Variants in DCLK1 observed in about 807,000 individuals in gnomAD.
The protein encoded by DCLK1 is doublecortin like kinase 1.
In DCLK1, 16 loss-of-function variants were observed where a neutral mutation model predicts 86.2. The observed-to-expected ratio is 0.19, with a 90% CI of 0.13 to 0.28. DCLK1 has a LOEUF of 0.28. DCLK1 is among the 10% of genes least tolerant of loss of function. The pLI is 1.00. For missense variants in DCLK1, 590 were observed against 940.2 expected, an observed-to-expected ratio of 0.63 and a Z score of 4.87; for synonymous variants, 369 against 370.5, an observed-to-expected ratio of 1.00 and a Z score of 0.05.
intron 14 of DCLK1, 96 bp from the exon 15 acceptor site, chr13:35,805,875 T>C: frequency 1.8e-6 from 2 of 1,109,620 alleles, no homozygotes; most frequent in Non-Finnish European, 2.6e-6. Flanking sequence ...TCGAAAAGCA[T>C]TTGTAAAAGC....
intron 16 of DCLK1, among the ~76,000 whole-genome samples, chr13:35,776,384 C>T (rs1024340887): frequency 6.6e-6 from 1 of 152,122 alleles, no homozygotes; most frequent in Non-Finnish European, 1.5e-5. Context: ...ATATAAACAC[C>T]TCTTGGCCAT....
intron 4 of DCLK1, among the ~76,000 whole-genome samples, chr13:35,899,187 T>C (rs1158925486): frequency 2.6e-5 from 4 of 152,204 alleles, no homozygotes; most frequent in Non-Finnish European, 5.9e-5. Flanking sequence ...CAATTCCATA[T>C]TATCAAAATG....
intron 3 of DCLK1, among the ~76,000 whole-genome samples, chr13:36,053,816 G>A (rs909201250): frequency 1.1e-4 from 16 of 151,950 alleles, no homozygotes; most frequent in African/African-American, 3.9e-4. Flanking sequence ...AGATATCTAG[G>A]GGAAGAGATA....
At chr13:35,831,142 C>A (rs916492841) in intron 8 of DCLK1, among the ~76,000 whole-genome samples, 11 of 152,140 alleles carry the variant, frequency 7.2e-5, no homozygotes, top group African/African-American at 2.7e-4. Flanking sequence ...CACTATACAA[C>A]CTTTCGTAAT....
intron 15 of DCLK1, among the ~76,000 whole-genome samples, chr13:35,797,106 G>T (rs1415254746): frequency 1.3e-5 from 2 of 152,196 alleles, no homozygotes; most frequent in Non-Finnish European, 2.9e-5. Flanking sequence ...AGGCCTGGCT[G>T]ACACTGGGCA....
chr13:35,924,518 G>A (rs1875992920), intron 4 of DCLK1, among the ~76,000 whole-genome samples: 1 of 152,184 alleles, frequency 6.6e-6, no homozygotes. Context: ...TGGGCATGGT[G>A]GCACACACCT....
Position 35,919,595 on chromosome 13 carries a change from C to T in DCLK1, c.823+27763G>A, listed in dbSNP as rs1323380665. Among the ~76,000 whole-genome samples, 2 of 152,064 alleles carry T rather than the reference C, an allele frequency of 1.3e-5. 1 individual carries two copies. The highest frequency in any genetic ancestry group is 4.2e-4 in the South Asian group (2 of 4,814). ...TTGACCATAGCCCTCTCCCAGACTC[C>T]TCTCTTTTTCCAGAAGACACTACAG... On this transcript the variant is annotated intron_variant, in intron 4 of 16. Coordinates refer to ENST00000360631, the MANE Select transcript of DCLK1 (RefSeq NM_001330071.2).
chr13:35,870,621 C>T (rs1410393873), intron 5 of DCLK1, among the ~76,000 whole-genome samples: 1 of 152,210 alleles, frequency 6.6e-6, no homozygotes, highest in African/African-American at 2.4e-5. Context: ...AAAGAAGACA[C>T]TTTCTAACTG....
chr13:36,059,241 T>C (rs1312801196), intron 3 of DCLK1, among the ~76,000 whole-genome samples: 1 of 152,208 alleles, frequency 6.6e-6, no homozygotes, highest in African/African-American at 2.4e-5. Context: ...AAGTATTTTC[T>C]TTAAGTCAGA....
intron 5 of DCLK1, among the ~76,000 whole-genome samples, chr13:35,855,316 T>C (rs1458729441): frequency 1.3e-5 from 2 of 152,216 alleles, no homozygotes; most frequent in East Asian, 3.8e-4. Flanking sequence ...CTAAGTAACA[T>C]CATCTCTAAC....
intron 6 of DCLK1, 75 bp downstream of exon 6, chr13:35,854,424 G>A (rs142668284): frequency 1.1e-5 from 13 of 1,220,760 alleles, no homozygotes; most frequent in African/African-American, 9.2e-5. Context: ...CGAGCAGCAC[G>A]ATTTGCTGGC....
chr13:35,841,520 G>GAA (rs201900666), intron 6 of DCLK1, among the ~76,000 whole-genome samples: 1 of 141,992 alleles, frequency 7.0e-6, no homozygotes, highest in African/African-American at 2.6e-5. Flanking sequence ...GGCTCTGGTG[G>GAA]AAAAAAAAAA....
rs1335639892 is a variant in DCLK1 at position 35,994,594 on chromosome 13, T to C, written c.724-47137A>G. Among the ~76,000 whole-genome samples, 3 of 152,210 alleles carry C rather than the reference T, an allele frequency of 2.0e-5. No individual in the cohort carries two copies. In the East Asian group the frequency reaches 5.8e-4, roughly 29 times the overall value. On this transcript the variant is annotated intron_variant, in intron 3 of 16. Coordinates refer to ENST00000360631, the MANE Select transcript of DCLK1 (RefSeq NM_001330071.2). ...AGCCAACTGGTGAGGTTGTCTGTTCTTTTTAGAAAAGATATTTCATGTTCC... is the reference window on the plus strand; with the variant it reads ...AGCCAACTGGTGAGGTTGTCTGTTCCTTTTAGAAAAGATATTTCATGTTCC...
intron 3 of DCLK1, among the ~76,000 whole-genome samples, chr13:35,996,397 A>G (rs1465025747): frequency 6.6e-6 from 1 of 152,170 alleles, no homozygotes; most frequent in East Asian, 1.9e-4. Context: ...TGGCTGGGCC[A>G]CGGGGCCCAG....
At chr13:35,850,388 C>G (rs577439493) in intron 6 of DCLK1, 1 of 1,021,380 alleles carries the variant, frequency 9.8e-7, no homozygotes, top group Non-Finnish European at 1.2e-6. Flanking sequence ...AATTCTGGCT[C>G]TATATTGCCA....
chr13:35,982,590 A>C (rs965712492), intron 3 of DCLK1, among the ~76,000 whole-genome samples: 1 of 152,180 alleles, frequency 6.6e-6, no homozygotes, highest in African/African-American at 2.4e-5. Flanking sequence ...GTGAACATTA[A>C]CAAAGCAAAA....
At chr13:35,925,608 G>A (rs1183613517) in intron 4 of DCLK1, among the ~76,000 whole-genome samples, 1 of 152,166 alleles carries the variant, frequency 6.6e-6, no homozygotes, top group Non-Finnish European at 1.5e-5. Context: ...CCATTTTAAT[G>A]TGTTTTAAGT....
At chr13:35,815,120 T>G (rs1180760492) in intron 11 of DCLK1, among the ~76,000 whole-genome samples, 2 of 152,202 alleles carry the variant, frequency 1.3e-5, no homozygotes, top group Non-Finnish European at 2.9e-5. Flanking sequence ...ACAGGATTGT[T>G]TTTGAAAGGA....
chr13:35,913,857 T>C (rs1358225433), intron 4 of DCLK1, among the ~76,000 whole-genome samples: 1 of 152,168 alleles, frequency 6.6e-6, no homozygotes, highest in Non-Finnish European at 1.5e-5. Flanking sequence ...ACTTGGCAGT[T>C]TAAAACTAAA....
Sources: allele counts gnomAD v4.1 joint callset (sites outside exome capture counted in the v4.1 genomes callset), GRCh38; gene constraint gnomAD v4.1.1; transcripts MANE v1.5; gene names NCBI Gene and HGNC (gene_info 2026-07-23, HGNC 2026-07-21).